Variants in MYZAP observed in about 807,000 individuals in gnomAD.
MYZAP encodes myocardial zonula adherens protein, also known as GRINL1A complex locus upstream.
Under a neutral mutation model 69.4 loss-of-function variants are expected in MYZAP, and 66 were observed. The observed-to-expected ratio is 0.95, with a 90% CI of 0.78 to 1.17. The LOEUF is 1.17. Ranked by LOEUF, MYZAP falls within the 50% of genes most tolerant of loss-of-function variation. The pLI is 0.00. For missense variants in MYZAP, 611 were observed against 556.2 expected (o/e 1.10, Z -0.99); for synonymous variants, 256 against 205.9 (o/e 1.24, Z -2.09).
intron 12 of MYZAP, among the ~76,000 whole-genome samples, chr15:57,675,434 A>C (rs1437696914): frequency 5.3e-5 from 8 of 152,186 alleles, no homozygotes; most frequent in Non-Finnish European, 1.0e-4. Flanking sequence ...CCCAGAGTAC[A>C]GTCTGGAGGG....
intron 3 of MYZAP, among the ~76,000 whole-genome samples, chr15:57,621,054 A>G (rs541194191): frequency 1.1e-4 from 16 of 147,900 alleles, no homozygotes; most frequent in African/African-American, 3.7e-4. Context: ...TTTATTATGT[A>G]TATAAAATAT....
intron 12 of MYZAP, among the ~76,000 whole-genome samples, chr15:57,675,765 A>C (rs2039084975): frequency 2.0e-5 from 3 of 152,160 alleles, no homozygotes; most frequent in Admixed American, 2.0e-4. Context: ...CCTGCCTCTG[A>C]TAACTAACTC....
intron 3 of MYZAP, among the ~76,000 whole-genome samples, chr15:57,620,464 T>C (rs763784471): frequency 6.6e-6 from 1 of 152,160 alleles, no homozygotes; most frequent in African/African-American, 2.4e-5. Context: ...ACTTTCCCCA[T>C]CCTAGGGATA....
At chr15:57,615,476 AG>A (rs1301937975) in intron 2 of MYZAP, among the ~76,000 whole-genome samples, 1 of 152,162 alleles carries the variant, frequency 6.6e-6, no homozygotes, top group East Asian at 1.9e-4. Context: ...GGCCAGGGGC[AG>A]GATCCTCTGT....
chr15:57,663,613 A>G (rs1338537266), intron 11 of MYZAP, among the ~76,000 whole-genome samples: 1 of 152,174 alleles, frequency 6.6e-6, no homozygotes, highest in Non-Finnish European at 1.5e-5. Context: ...ACTAACTCCC[A>G]TCAGTCATTA....
At chr15:57,647,715 A>T (rs1299984855) in intron 10 of MYZAP, 2 of 985,206 alleles carry the variant, frequency 2.0e-6, no homozygotes, top group Middle Eastern at 5.2e-4. Context: ...TCCTAAGTGG[A>T]TGCCCTCCAC....
intron 1 of MYZAP, among the ~76,000 whole-genome samples, chr15:57,592,896 A>G (rs1411336441): frequency 1.3e-5 from 2 of 152,154 alleles, no homozygotes; most frequent in Non-Finnish European, 2.9e-5. Context: ...GATGTTCAAT[A>G]CTTATCATTT....
At chr15:57,609,958 C>G (rs1690330) in intron 2 of MYZAP, among the ~76,000 whole-genome samples, 8,457 of 152,196 alleles carry the variant, frequency 0.056, 610 homozygotes, top group African/African-American at 0.16. Flanking sequence ...CACACACACA[C>G]AGACAGAACC....
chr15:57,609,399 G>A (rs775789310), intron 2 of MYZAP, among the ~76,000 whole-genome samples: 90 of 152,194 alleles, frequency 5.9e-4, no homozygotes, highest in Non-Finnish European at 2.4e-4. Flanking sequence ...TTTCTTTGCC[G>A]CTTCCAGCTG....
chr15:57,625,391 C>T lies in MYZAP; in HGVS notation c.412-388C>T, dbSNP rs190212881. Among the ~76,000 whole-genome samples, 875 of 152,296 alleles carry T rather than the reference C, an allele frequency of 5.7e-3. 13 individuals are homozygous for T. The highest frequency in any genetic ancestry group is 0.02 in the African/African-American group (828 of 41,544). ...ATTGAGTGAGACCAAAGCATATTCTCTCCATGGTGACTACAAAGAACAAGG... is the reference window on the plus strand; with the variant it reads ...ATTGAGTGAGACCAAAGCATATTCTTTCCATGGTGACTACAAAGAACAAGG... On this transcript the variant is annotated intron_variant, in intron 4 of 12. Transcript: ENST00000267853.
intron 12 of MYZAP, among the ~76,000 whole-genome samples, chr15:57,678,231 G>A (rs1486087119): frequency 1.3e-5 from 2 of 151,828 alleles, no homozygotes; most frequent in Non-Finnish European, 2.9e-5. Flanking sequence ...GTGTGGTGGT[G>A]TGCACCTGTA....
chr15:57,623,169 G>A (rs1451051066), intron 4 of MYZAP, among the ~76,000 whole-genome samples: 1 of 152,172 alleles, frequency 6.6e-6, no homozygotes, highest in African/African-American at 2.4e-5. Flanking sequence ...ACCCGCCAAA[G>A]TGCAAGAGTG....
rs1396469256 is a variant in MYZAP, at chr15:57,641,557, G to A, written c.1119+2012G>A. ...TGTGGTCTGGAAGGCCCAGTCGTTG[G>A]AAAGAAATCACCAGCTAAAATTTAG... On this transcript the variant is annotated intron_variant, in intron 10 of 12. Transcript: ENST00000267853. Among the ~76,000 whole-genome samples, 4 of 152,140 alleles carry A rather than the reference G, an allele frequency of 2.6e-5. No homozygotes were observed. The East Asian group carries it at 5.8e-4, about 22-fold the overall frequency.
At chr15:57,596,351 T>C (rs537288691) in intron 1 of MYZAP, among the ~76,000 whole-genome samples, 162 of 152,264 alleles carry the variant, frequency 1.1e-3, no homozygotes, top group African/African-American at 3.8e-3. Context: ...AATGTTCTTG[T>C]CTAATTGAGT....
At chr15:57,594,556 T>C (rs35770151) in intron 1 of MYZAP, among the ~76,000 whole-genome samples, 53,420 of 152,110 alleles carry the variant, frequency 0.35, 9,785 homozygotes, top group East Asian at 0.56. Context: ...AACCACATTT[T>C]GGTCAACAGT....
intron 1 of MYZAP, among the ~76,000 whole-genome samples, chr15:57,593,783 G>A (rs2033876221): frequency 6.6e-6 from 1 of 152,174 alleles, no homozygotes; most frequent in Admixed American, 6.5e-5. Flanking sequence ...TGGAAGGAAG[G>A]TATCTAAAGG....
intron 1 of MYZAP, among the ~76,000 whole-genome samples, chr15:57,593,337 ACT>A (rs1168174490): frequency 2.0e-5 from 3 of 151,990 alleles, no homozygotes; most frequent in Non-Finnish European, 4.4e-5. Context: ...TCCTGGCCTT[ACT>A]CTAAGTTGGG....
chr15:57,623,280 C>G (rs2035929457), intron 4 of MYZAP, among the ~76,000 whole-genome samples: 1 of 152,164 alleles, frequency 6.6e-6, no homozygotes, highest in African/African-American at 2.4e-5. Context: ...CATTATCGAT[C>G]AAAATTACAG....
intron 1 of MYZAP, among the ~76,000 whole-genome samples, chr15:57,598,178 C>T (rs1414645540): frequency 2.0e-5 from 3 of 152,108 alleles, no homozygotes; most frequent in Non-Finnish European, 2.9e-5. Flanking sequence ...CAGAGTACCC[C>T]GTAGGTGAGA....
Sources: gnomAD v4.1 joint callset for allele counts (sites outside exome capture counted in the v4.1 genomes callset) on GRCh38, gnomAD v4.1.1 for gene constraint, MANE v1.5 for transcripts, NCBI Gene and HGNC (gene_info 2026-07-23, HGNC 2026-07-21) for gene names.